NRG3: variants seen among roughly 807,000 people sequenced by gnomAD.
The protein encoded by NRG3 is neuregulin 3, also known as pro-neuregulin-3, membrane-bound isoform.
Under a neutral mutation model 66.9 loss-of-function variants are expected in NRG3, and 31 were observed. That is an observed-to-expected ratio of 0.46 (90% CI 0.35 to 0.63). The LOEUF is 0.63. Ranked by LOEUF, NRG3 falls within the 20% of genes least tolerant of loss-of-function variation. The pLI is 0.00. For synonymous variants in NRG3, 393 were observed against 359.4 expected, an observed-to-expected ratio of 1.09 and a Z score of -1.06; for missense variants, 910 against 878.9, an observed-to-expected ratio of 1.04 and a Z score of -0.45.
intron 4 of NRG3, among the ~76,000 whole-genome samples, chr10:82,895,906 T>C (rs1201959090): frequency 6.6e-6 from 1 of 152,218 alleles, no homozygotes; most frequent in African/African-American, 2.4e-5. Flanking sequence ...TGGTAAATTA[T>C]AGATAATTAT....
intron 1 of NRG3, among the ~76,000 whole-genome samples, chr10:82,334,336 C>T (rs796599173): frequency 3.3e-5 from 5 of 152,122 alleles, no homozygotes; most frequent in African/African-American, 1.2e-4. Context: ...TCAGGAGTTG[C>T]CTTTTCAAAG....
At chr10:82,166,962 C>G (rs535386269) in intron 1 of NRG3, 10 of 447,030 alleles carry the variant, frequency 2.2e-5, no homozygotes, top group Non-Finnish European at 3.6e-5. Flanking sequence ...GATAAGAAAT[C>G]TGCCATCTTT....
chr10:82,135,299 G>A (rs1296549205), intron 1 of NRG3, among the ~76,000 whole-genome samples: 11 of 151,870 alleles, frequency 7.2e-5, no homozygotes, highest in Non-Finnish European at 1.5e-5. Context: ...TAGTTTGATT[G>A]TTAAATGTCT....
At chr10:82,609,834 A>C (rs1292005892) in intron 2 of NRG3, among the ~76,000 whole-genome samples, 1 of 152,242 alleles carries the variant, frequency 6.6e-6, no homozygotes, top group Non-Finnish European at 1.5e-5. Context: ...TGTATATAAT[A>C]TTAGTTTTCC....
chr10:82,753,081 T>C (rs2058939293), intron 3 of NRG3, among the ~76,000 whole-genome samples: 1 of 152,188 alleles, frequency 6.6e-6, no homozygotes, highest in Non-Finnish European at 1.5e-5. Context: ...TTCTCCTCAT[T>C]GTCATACTAC....
chr10:81,901,400 C>G (rs1177470907), intron 1 of NRG3, among the ~76,000 whole-genome samples: 1 of 152,158 alleles, frequency 6.6e-6, no homozygotes, highest in Non-Finnish European at 1.5e-5. Flanking sequence ...GGTGCAATGA[C>G]TCATACCTAT....
At chr10:82,286,170 G>C (rs1474975043) in intron 1 of NRG3, among the ~76,000 whole-genome samples, 1 of 152,138 alleles carries the variant, frequency 6.6e-6, no homozygotes, top group African/African-American at 2.4e-5. Flanking sequence ...CTAAGAAATT[G>C]TGCTAAAAAC....
chr10:81,955,840 C>G (rs994026079), intron 1 of NRG3, among the ~76,000 whole-genome samples: 3 of 152,150 alleles, frequency 2.0e-5, no homozygotes, highest in Non-Finnish European at 4.4e-5. Flanking sequence ...CCAATAAACT[C>G]TGCACTCATT....
chr10:82,497,910 T>C (rs919912931), intron 2 of NRG3, among the ~76,000 whole-genome samples: 3 of 152,172 alleles, frequency 2.0e-5, no homozygotes, highest in African/African-American at 7.2e-5. Context: ...TTGTTGCCTC[T>C]TGTCTTTTTC....
chr10:82,124,647 G>T (rs1035207496), intron 1 of NRG3, among the ~76,000 whole-genome samples: 1 of 151,154 alleles, frequency 6.6e-6, no homozygotes, highest in South Asian at 2.1e-4. Context: ...ATGGGTTGAT[G>T]TGTGCAGCAA....
At chr10:82,627,927 G>A (rs1203199624) in intron 2 of NRG3, among the ~76,000 whole-genome samples, 1 of 151,072 alleles carries the variant, frequency 6.6e-6, no homozygotes, top group African/African-American at 2.5e-5. Context: ...CAATCTCAGT[G>A]CTTTTCCGGA....
intron 1 of NRG3, among the ~76,000 whole-genome samples, chr10:81,987,056 A>G (rs1463834662): frequency 6.7e-6 from 1 of 150,336 alleles, no homozygotes; most frequent in Non-Finnish European, 1.5e-5. Context: ...ATTACCCTGT[A>G]TAGATGCCAT....
At chr10:82,449,637 G>A (rs1762584478) in intron 2 of NRG3, among the ~76,000 whole-genome samples, 1 of 152,210 alleles carries the variant, frequency 6.6e-6, no homozygotes, top group South Asian at 2.1e-4. Flanking sequence ...GAACTTAAAT[G>A]CCCCCAAGAG....
intron 1 of NRG3, among the ~76,000 whole-genome samples, chr10:82,146,223 AT>A (rs1271427050): frequency 6.6e-6 from 1 of 152,176 alleles, no homozygotes; most frequent in Non-Finnish European, 1.5e-5. Flanking sequence ...GAGCCTGCAT[AT>A]TTTCAGATCC....
At chr10:82,350,588 A>C (rs1272797619) in intron 1 of NRG3, among the ~76,000 whole-genome samples, 2 of 152,240 alleles carry the variant, frequency 1.3e-5, no homozygotes, top group Non-Finnish European at 2.9e-5. Context: ...ATTTCACATA[A>C]ATCTGAAACA....
At chr10:82,881,320 G>A (rs912819702) in intron 4 of NRG3, among the ~76,000 whole-genome samples, 2 of 152,226 alleles carry the variant, frequency 1.3e-5, no homozygotes, top group African/African-American at 4.8e-5. Context: ...TTTTGAGGAA[G>A]AAAGTAGCAT....
chr10:82,034,818 C>G (rs1564755201), intron 1 of NRG3, among the ~76,000 whole-genome samples: 1 of 151,992 alleles, frequency 6.6e-6, no homozygotes, highest in African/African-American at 2.4e-5. Context: ...TCAGTGAGAG[C>G]AGAGGCTCTG....
intron 3 of NRG3, among the ~76,000 whole-genome samples, chr10:82,795,719 A>T (rs1271881511): frequency 6.6e-6 from 1 of 152,150 alleles, no homozygotes; most frequent in Non-Finnish European, 1.5e-5. Context: ...CTTTTTTTAA[A>T]GGGGTAAAGC....
chr10:82,102,115 TATATATATATGTGTATTC>T (rs1210191761), intron 1 of NRG3, among the ~76,000 whole-genome samples: 222 of 16,978 alleles, frequency 0.013, 5 homozygotes, highest in Middle Eastern at 0.038. Context: ...TGTGTATTCA[TATATATATATGTGTATTC>T]ATATATATAT....
Sources: allele counts gnomAD v4.1 joint callset (sites outside exome capture counted in the v4.1 genomes callset), GRCh38; gene constraint gnomAD v4.1.1; transcripts MANE v1.5; gene names NCBI Gene and HGNC (gene_info 2026-07-23, HGNC 2026-07-21).